Variants in ATP8A1 observed in about 807,000 individuals in gnomAD.
ATP8A1 encodes the protein phospholipid-transporting ATPase IA.
In ATP8A1, 90 loss-of-function variants were observed where a neutral mutation model predicts 177.7. The ratio of observed to expected loss-of-function variants is 0.51; its 90% CI spans 0.43 to 0.60. The LOEUF is 0.60. Ranked by LOEUF, ATP8A1 falls within the 20% of genes least tolerant of loss-of-function variation. The probability of loss-of-function intolerance (pLI) is 0.00; values close to 1 mark genes in which losing one functional copy is unlikely to be tolerated. For missense variants in ATP8A1, 1,072 were observed against 1,392.8 expected (o/e 0.77, Z 3.67); for synonymous variants, 493 against 485.9 (o/e 1.01, Z -0.19).
chr4:42,655,028 G>A (rs886841081), intron 1 of ATP8A1, among the ~76,000 whole-genome samples: 1 of 152,226 alleles, frequency 6.6e-6, no homozygotes, highest in African/African-American at 2.4e-5. Context: ...ATAATAAACT[G>A]GAATCAACTA....
At chr4:42,627,704 C>G (rs1738257399) in intron 1 of ATP8A1, among the ~76,000 whole-genome samples, 1 of 152,144 alleles carries the variant, frequency 6.6e-6, no homozygotes, top group African/African-American at 2.4e-5. Flanking sequence ...AGGATACATT[C>G]AACTGGGTAC....
chr4:42,420,925 C>T (rs934780366), intron 35 of ATP8A1, among the ~76,000 whole-genome samples: 1 of 152,004 alleles, frequency 6.6e-6, no homozygotes, highest in African/African-American at 2.4e-5. Context: ...CCCGCCACCA[C>T]GCCTGGCTAA....
intron 20 of ATP8A1, among the ~76,000 whole-genome samples, chr4:42,536,754 T>C (rs1276265156): frequency 2.0e-5 from 3 of 152,192 alleles, no homozygotes; most frequent in Non-Finnish European, 4.4e-5. Flanking sequence ...CAGGATCAAG[T>C]GGGTTTCATA....
At chr4:42,442,773 AG>A (rs1716770434) in intron 33 of ATP8A1, among the ~76,000 whole-genome samples, 2 of 152,248 alleles carry the variant, frequency 1.3e-5, no homozygotes, top group Non-Finnish European at 2.9e-5. Flanking sequence ...ACCACTGGAA[AG>A]GGTTCCTGGG....
chr4:42,530,588 A>G (rs1203560908), intron 20 of ATP8A1, among the ~76,000 whole-genome samples: 1 of 152,188 alleles, frequency 6.6e-6, no homozygotes, highest in African/African-American at 2.4e-5. Flanking sequence ...ATGGCTAAAG[A>G]CGTGTGGCAG....
intron 8 of ATP8A1, among the ~76,000 whole-genome samples, chr4:42,586,709 G>A (rs1733647762): frequency 6.6e-6 from 1 of 152,158 alleles, no homozygotes; most frequent in African/African-American, 2.4e-5. Context: ...AATATATTTA[G>A]GAGACTATAA....
Position 42,414,680 on chromosome 4 carries a change from T to A in ATP8A1, c.3344A>T (p.Lys1115Met), listed in dbSNP as rs1713023258. The change falls in exon 36 of 37, where the codon AAG becomes ATG. Residue 1115 changes from lysine (K) to methionine (M), a missense_variant. Physicochemically the swap from Lys to Met is moderately conservative, Grantham distance 95 (BLOSUM62 -1). Transcript: ENST00000381668. ...GCGGTACAAGTTCACGTGGTTCTTC[T>A]TAAAGACGTTCTTGAGCAGTTGCGC... is the stretch of plus-strand genomic sequence containing the variant. ...ERAQLLKNVF[K>M]KNHVNLYRSE... 2 of 1,613,946 alleles carry A rather than the reference T, an allele frequency of 1.2e-6. No individual in the cohort carries two copies. Among genetic ancestry groups the A allele is most frequent in the Admixed American group, 3.3e-5 (2 of 60,016 alleles).
intron 25 of ATP8A1, among the ~76,000 whole-genome samples, chr4:42,473,324 C>T (rs922170278): frequency 6.6e-6 from 1 of 152,120 alleles, no homozygotes; most frequent in African/African-American, 2.4e-5. Flanking sequence ...TATTGACAGC[C>T]TATATGATAG....
At chr4:42,454,126 C>A (rs1474868706) in intron 29 of ATP8A1, among the ~76,000 whole-genome samples, 1 of 152,132 alleles carries the variant, frequency 6.6e-6, no homozygotes, top group Non-Finnish European at 1.5e-5. Flanking sequence ...CTGAGCTAAC[C>A]AAATTCATTT....
chr4:42,457,930 G>A (rs1481654132), intron 27 of ATP8A1, among the ~76,000 whole-genome samples: 1 of 152,180 alleles, frequency 6.6e-6, no homozygotes, highest in Admixed American at 6.5e-5. Context: ...CTACTGAAAG[G>A]TAGGTGAACA....
chr4:42,504,754 C>A (rs545506404), intron 23 of ATP8A1, among the ~76,000 whole-genome samples: 2 of 152,370 alleles, frequency 1.3e-5, no homozygotes, highest in East Asian at 3.9e-4. Context: ...CAGAGCATGT[C>A]TTTCCTCTGC....
chr4:42,541,950 T>C (rs958396225), intron 20 of ATP8A1, among the ~76,000 whole-genome samples: 3 of 152,308 alleles, frequency 2.0e-5, no homozygotes, highest in South Asian at 4.1e-4. Flanking sequence ...TAATGGTAGA[T>C]ACATGTCACT....
chr4:42,581,032 ATAGT>A (rs772836976), intron 10 of ATP8A1, among the ~76,000 whole-genome samples: 17 of 152,230 alleles, frequency 1.1e-4, no homozygotes, highest in African/African-American at 2.2e-4. Flanking sequence ...AATCACTATA[ATAGT>A]TAGTAAATGC....
At chr4:42,592,801 C>T (rs891740133) in intron 6 of ATP8A1, among the ~76,000 whole-genome samples, 1 of 152,048 alleles carries the variant, frequency 6.6e-6, no homozygotes, top group South Asian at 2.1e-4. Flanking sequence ...TGTAAAGAAA[C>T]AGTAACACAA....
Position 42,578,307 on chromosome 4 carries a change from C to T in ATP8A1, c.1081G>A (p.Val361Ile), listed in dbSNP as rs1490703306. 1.2e-6 allele frequency: 2 copies of T among 1,611,122 alleles called. No homozygotes were observed. The highest frequency in any genetic ancestry group is 8.5e-7 in the Non-Finnish European group (1 of 1,178,430). ...FNNLIPISLL[V>I]TLEVVKFTQA... ...GTAAATTTCACAACTTCTAATGTAA[C>T]CAATAAGCTGATAGGAATGAGATTG... is the stretch of plus-strand genomic sequence containing the variant. Residue 361 changes from valine (V) to isoleucine (I), a missense_variant, in exon 12 of 37, where the codon GTT becomes ATT. Transcript: ENST00000381668.
chr4:42,635,072 A>G (rs1739134914), intron 1 of ATP8A1, among the ~76,000 whole-genome samples: 1 of 152,202 alleles, frequency 6.6e-6, no homozygotes, highest in Non-Finnish European at 1.5e-5. Context: ...CTTATTTTGG[A>G]TAATATTTAT....
chr4:42,509,331 G>A (rs1724756168), intron 22 of ATP8A1, among the ~76,000 whole-genome samples: 2 of 152,204 alleles, frequency 1.3e-5, no homozygotes, highest in African/African-American at 4.8e-5. Context: ...CCAACTATTT[G>A]TATTTAGCTT....
intron 6 of ATP8A1, among the ~76,000 whole-genome samples, chr4:42,597,828 A>G (rs1734858478): frequency 6.6e-6 from 1 of 152,214 alleles, no homozygotes; most frequent in Admixed American, 6.5e-5. Flanking sequence ...AATATTTCAT[A>G]AAAATAAATC....
intron 4 of ATP8A1, 27 bp downstream of exon 4, chr4:42,624,509 A>G (rs770852548): frequency 3.2e-6 from 4 of 1,236,954 alleles, no homozygotes; most frequent in Middle Eastern, 2.8e-4. Flanking sequence ...AAAGTCACAT[A>G]CAATTATGAA....
Sources: allele counts gnomAD v4.1 joint callset (sites outside exome capture counted in the v4.1 genomes callset), GRCh38; gene constraint gnomAD v4.1.1; transcripts MANE v1.5; gene names NCBI Gene and HGNC (gene_info 2026-07-23, HGNC 2026-07-21).